Variants in TNRC6C observed in about 807,000 individuals in gnomAD.
The protein encoded by TNRC6C is trinucleotide repeat containing adaptor 6C.
TNRC6C carries 20 observed loss-of-function variants against 153.7 expected under a neutral mutation model. The ratio of observed to expected loss-of-function variants is 0.13; its 90% confidence interval spans 0.09 to 0.19. TNRC6C has a LOEUF of 0.19. Among genes scored for constraint, TNRC6C ranks in the 10% least tolerant of loss-of-function variants. TNRC6C has a pLI of 1.00. For synonymous variants in TNRC6C, 811 were observed against 841.4 expected (o/e 0.96, Z 0.63); for missense variants, 1,987 against 2,172.0 (o/e 0.91, Z 1.69).
Position 78,079,591 on chromosome 17 carries a change from G to A in TNRC6C, c.3357+50G>A. ...TGAGCAACAGGATATAGATGCCAGT[G>A]TTTCGTGGGGTCCTGTGTTATCTGG... On this transcript the variant is annotated intron_variant, in intron 10 of 19. Transcript: ENST00000301624. The surrounding 1 kb of genome is among the most constrained non-coding windows in gnomAD (Gnocchi z 4.3). The A allele has an allele frequency of 6.3e-7, 1 of 1,595,310 alleles. No homozygotes were observed. The highest frequency in any genetic ancestry group is 8.6e-7 in the Non-Finnish European group (1 of 1,165,842).
intron 17 of TNRC6C, among the ~76,000 whole-genome samples, chr17:78,102,128 C>G (rs2073607274): frequency 6.6e-6 from 1 of 152,218 alleles, no homozygotes; most frequent in Admixed American, 6.5e-5. Context: ...TGATTCCACA[C>G]CGGGTCTGGG....
chr17:78,050,656 A>G, exon 3 of TNRC6C: 7 of 1,562,388 alleles, frequency 4.5e-6, no homozygotes, highest in Non-Finnish European at 5.2e-6. Context: ...CAAAGCGCCA[A>G]GTGGCCCGGG....
chr17:77,974,798 A>G (rs1259399533), intron 1 of TNRC6C, among the ~76,000 whole-genome samples: 1 of 152,224 alleles, frequency 6.6e-6, no homozygotes, highest in Admixed American at 6.5e-5. Flanking sequence ...GTCTGTTCAA[A>G]ATTCACAGTT....
chr17:77,970,634 T>G (rs2070933154), intron 1 of TNRC6C, among the ~76,000 whole-genome samples: 1 of 152,198 alleles, frequency 6.6e-6, no homozygotes, highest in Non-Finnish European at 1.5e-5. Flanking sequence ...ATTAATAAAC[T>G]TTCTTAAAAT....
chr17:78,051,288 A>C (rs1346072369), exon 3 of TNRC6C: 2 of 1,552,150 alleles, frequency 1.3e-6, no homozygotes, highest in Non-Finnish European at 1.7e-6. Flanking sequence ...ATAAAACTGT[A>C]AACATGTGGG....
intron 2 of TNRC6C, among the ~76,000 whole-genome samples, chr17:78,032,602 T>G (rs181348648): frequency 6.6e-6 from 1 of 152,258 alleles, no homozygotes; most frequent in Non-Finnish European, 1.5e-5. Context: ...AACTAATAAT[T>G]GGTGCTGTTT....
At chr17:77,957,676 T>C (rs151193636), upstream of TNRC6C, among the ~76,000 whole-genome samples, 1 of 152,384 alleles carries the variant, frequency 6.6e-6, no homozygotes, top group African/African-American at 2.4e-5. Flanking sequence ...AGCCTGCTTC[T>C]GCGACCTTGC....
intron 1 of TNRC6C, among the ~76,000 whole-genome samples, chr17:77,997,977 A>T (rs538478354): frequency 1.3e-5 from 2 of 152,194 alleles, no homozygotes; most frequent in African/African-American, 4.8e-5. Flanking sequence ...TAATTTTTTT[A>T]AATTTTGTTT....
chr17:78,065,673 C>A (rs1787569252), intron 4 of TNRC6C, among the ~76,000 whole-genome samples: 1 of 152,148 alleles, frequency 6.6e-6, no homozygotes, highest in Non-Finnish European at 1.5e-5. Context: ...CCGTATTGCC[C>A]TGCTTTCATC....
At chr17:77,984,375 A>G (rs891516479) in intron 1 of TNRC6C, among the ~76,000 whole-genome samples, 8 of 151,764 alleles carry the variant, frequency 5.3e-5, no homozygotes, top group Non-Finnish European at 1.2e-4. Flanking sequence ...AAAACAAAAA[A>G]AAAAACAGCC....
At chr17:78,052,496 A>G (rs2072557455) in intron 3 of TNRC6C, among the ~76,000 whole-genome samples, 1 of 152,188 alleles carries the variant, frequency 6.6e-6, no homozygotes, top group Admixed American at 6.5e-5. Flanking sequence ...ACACGAATTA[A>G]AGTATATACG....
chr17:78,048,711 A>G (rs949136971), intron 2 of TNRC6C, 134 bp from the exon 5 acceptor site: 2 of 878,014 alleles, frequency 2.3e-6, no homozygotes, highest in African/African-American at 3.5e-5. Context: ...TTTTTTCTTT[A>G]AGTCATTTTT....
intron 1 of TNRC6C, among the ~76,000 whole-genome samples, chr17:77,975,108 G>A (rs1695043675): frequency 1.3e-5 from 2 of 152,194 alleles, no homozygotes; most frequent in African/African-American, 4.8e-5. Flanking sequence ...TAAGTCTCAT[G>A]TATGGGGGGA....
chr17:78,049,321 T>C lies in TNRC6C; in HGVS notation c.259T>C (p.Trp87Arg). 1 of 1,614,026 alleles carries C rather than the reference T, an allele frequency of 6.2e-7. No homozygotes were observed. Among genetic ancestry groups the C allele is most frequent in the Non-Finnish European group, 8.5e-7 (1 of 1,179,896 alleles). ...TGGAGATGGGAGAAGTCAGAATTGC[T>C]GGGGTGCTTCCAACTCCAATGCTGG... is the stretch of plus-strand genomic sequence containing the variant. Residue 87 changes from tryptophan to arginine, a missense_variant, in exon 3 of 20, where the codon TGG becomes CGG. By Grantham distance (101) the Trp-to-Arg change is moderately radical. Coordinates refer to ENST00000301624, the Ensembl canonical transcript of TNRC6C. This position sits in a 1 kb window ranked among gnomAD's most constrained non-coding sequence, Gnocchi z 4.1.
intron 2 of TNRC6C, among the ~76,000 whole-genome samples, chr17:78,042,120 C>G (rs1314719077): frequency 1.3e-5 from 2 of 152,052 alleles, no homozygotes; most frequent in Non-Finnish European, 2.9e-5. Flanking sequence ...TTATGTAATC[C>G]TTTTTAATTT....
intron 17 of TNRC6C, among the ~76,000 whole-genome samples, chr17:78,100,464 G>A (rs1180419376): frequency 6.6e-6 from 1 of 152,248 alleles, no homozygotes; most frequent in Non-Finnish European, 1.5e-5. Flanking sequence ...CTTGGAGATT[G>A]CTCCCTCTGA....
At chr17:78,064,672 T>C (rs763892277) in intron 3 of TNRC6C, 50 bp from the exon 6 acceptor site, 1 of 1,567,338 alleles carries the variant, frequency 6.4e-7, no homozygotes, top group South Asian at 1.1e-5. Flanking sequence ...ATTTTTGCTT[T>C]TCTCTGATGC....
Position 78,093,605 on chromosome 17 carries a change from T to G in TNRC6C, c.4163-15T>G. 1 of 1,613,724 alleles carries G rather than the reference T, an allele frequency of 6.2e-7. No homozygotes were observed. The highest frequency in any genetic ancestry group is 8.5e-7 in the Non-Finnish European group (1 of 1,179,710). ...TGTTCTGATCTGTGGCTTCTCATTT[T>G]GGTTTCTTAAACAGAATTCCATCCG... On this transcript the variant is annotated splice_polypyrimidine_tract_variant and intron_variant, in intron 15 of 19. Transcript: ENST00000301624.
intron 13 of TNRC6C, among the ~76,000 whole-genome samples, chr17:78,087,620 G>A (rs1431643981): frequency 2.0e-5 from 3 of 152,088 alleles, no homozygotes; most frequent in Admixed American, 6.5e-5. Context: ...CTGTCCTCCA[G>A]CCTAAACCAC....
Sources: allele counts gnomAD v4.1 joint callset (sites outside exome capture counted in the v4.1 genomes callset), GRCh38; gene constraint gnomAD v4.1.1; non-coding constraint Gnocchi (gnomAD v3.1); transcripts MANE v1.5; gene names NCBI Gene and HGNC (gene_info 2026-07-23, HGNC 2026-07-21).